C16orf74: variants seen among roughly 807,000 people sequenced by gnomAD.
The protein encoded by C16orf74 is uncharacterized protein C16orf74.
Under a neutral mutation model 6.5 loss-of-function variants are expected in C16orf74, and 10 were observed. That is an observed-to-expected ratio of 1.54 (90% CI 0.95 to 2.61). C16orf74 has a LOEUF of 2.61. Among genes scored for constraint, C16orf74 ranks in the 30% most tolerant of loss-of-function variants. The probability of loss-of-function intolerance (pLI) is 0.00; values close to 1 mark genes in which losing one functional copy is unlikely to be tolerated. For synonymous variants in C16orf74, 60 were observed against 42.5 expected (o/e 1.41, Z -1.60); for missense variants, 141 against 105.9 (o/e 1.33, Z -1.45).
intron 2 of C16orf74, among the ~76,000 whole-genome samples, chr16:85,720,289 G>C (rs2054069654): frequency 1.3e-5 from 2 of 152,170 alleles, no homozygotes; most frequent in African/African-American, 4.8e-5. Context: ...CCAAGGTGGG[G>C]GAAGGTGCCC....
chr16:85,730,154 C>T (rs763606233), intron 2 of C16orf74, among the ~76,000 whole-genome samples: 2 of 152,090 alleles, frequency 1.3e-5, no homozygotes, highest in Admixed American at 6.6e-5. Context: ...CTGGTCAGAG[C>T]GGGTGAGATG....
intron 2 of C16orf74, among the ~76,000 whole-genome samples, chr16:85,721,717 G>A (rs1486454914): frequency 1.3e-5 from 2 of 152,180 alleles, no homozygotes; most frequent in African/African-American, 4.8e-5. Context: ...AACAATAACT[G>A]GGCATTTCAG....
At position 85,707,838 on chromosome 16, in the gene C16orf74, G is replaced by A; in HGVS notation, c.*170C>T. On this transcript the variant is annotated 3_prime_UTR_variant, in exon 4 of 4. Coordinates refer to ENST00000284245, the MANE Select transcript of C16orf74 (RefSeq NM_206967.3). ...CCTGGGAAACACTGTTCTGGAAGTG[G>A]ACAGGCTGGATTCCTCGCTGGTCCT... 1 of 616,168 alleles carries A rather than the reference G, an allele frequency of 1.6e-6. No individual in the cohort carries two copies. The highest frequency in any genetic ancestry group is 2.9e-6 in the Non-Finnish European group (1 of 348,088). 38.2% of individuals were successfully genotyped at this position (616,168 alleles called of 1,614,324 possible). A position where few individuals can be genotyped will look rare whatever the true frequency, so the allele number is the denominator to read the frequency against.
intron 2 of C16orf74, among the ~76,000 whole-genome samples, chr16:85,724,248 G>A (rs1281584481): frequency 6.6e-6 from 1 of 152,140 alleles, no homozygotes; most frequent in Admixed American, 6.5e-5. Flanking sequence ...CGGTGGGACC[G>A]TGAGTCCCAG....
chr16:85,724,720 G>C (rs528978483), intron 2 of C16orf74, among the ~76,000 whole-genome samples: 11 of 152,304 alleles, frequency 7.2e-5, no homozygotes, highest in Admixed American at 2.0e-4. Flanking sequence ...GCCGGCGGGA[G>C]GGTCAGTCCG....
At chr16:85,749,131 GC>G (rs906360747) in intron 1 of C16orf74, among the ~76,000 whole-genome samples, 2 of 151,630 alleles carry the variant, frequency 1.3e-5, no homozygotes, top group African/African-American at 4.8e-5. Context: ...TACTTAGCAG[GC>G]CCAGAGGCCT....
intron 3 of C16orf74, among the ~76,000 whole-genome samples, chr16:85,709,867 T>A (rs1271315460): frequency 1.3e-5 from 2 of 152,124 alleles, no homozygotes; most frequent in Non-Finnish European, 2.9e-5. Context: ...ATCCATCAAT[T>A]ACCTTGGCTG....
chr16:85,730,487 T>C (rs2054176350), intron 2 of C16orf74, among the ~76,000 whole-genome samples: 1 of 144,236 alleles, frequency 6.9e-6, no homozygotes, highest in African/African-American at 2.6e-5. Context: ...GCAAACTAAA[T>C]CCCCCAGACC....
chr16:85,726,813 G>A (rs1353540329), intron 2 of C16orf74, among the ~76,000 whole-genome samples: 2 of 152,084 alleles, frequency 1.3e-5, no homozygotes, highest in Non-Finnish European at 2.9e-5. Flanking sequence ...CATCCTCTCC[G>A]GCGTTGTGGC....
chr16:85,715,649 G>C (rs577539361), intron 2 of C16orf74, among the ~76,000 whole-genome samples: 17 of 152,322 alleles, frequency 1.1e-4, no homozygotes, highest in Middle Eastern at 6.8e-3. Context: ...GAACGAGCAT[G>C]ACTCTGTCTC....
At chr16:85,719,790 G>A (rs575049114) in intron 2 of C16orf74, among the ~76,000 whole-genome samples, 1 of 150,972 alleles carries the variant, frequency 6.6e-6, no homozygotes, top group East Asian at 1.9e-4. Context: ...GAACAGAGGG[G>A]CCACAGGCCA....
intron 2 of C16orf74, among the ~76,000 whole-genome samples, chr16:85,721,950 G>C (rs1323265815): frequency 6.9e-6 from 1 of 144,720 alleles, no homozygotes; most frequent in Non-Finnish European, 1.5e-5. Flanking sequence ...CACACAGTTA[G>C]CCTTCTCATT....
chr16:85,720,846 G>A (rs2054075252), intron 2 of C16orf74, among the ~76,000 whole-genome samples: 1 of 151,448 alleles, frequency 6.6e-6, no homozygotes, highest in Non-Finnish European at 1.5e-5. Context: ...CCAGCACTTT[G>A]GGAGGCCGAG....
In C16orf74 at chr16:85,751,060, G is replaced by A. The variant is rs996982048; in HGVS notation, c.-153C>T. 9 of 148,610 alleles carry A rather than the reference G, an allele frequency of 6.1e-5. No individual in the cohort carries two copies. Among genetic ancestry groups the A allele is most frequent in the African/African-American group, 1.9e-4 (8 of 41,058 alleles). 9.2% of individuals were successfully genotyped at this position (148,610 alleles called of 1,614,324 possible). A position where few individuals can be genotyped will look rare whatever the true frequency, so the allele number is the denominator to read the frequency against. On this transcript the variant is annotated 5_prime_UTR_variant, in exon 1 of 4. Transcript: ENST00000284245. ...GAGCCTGCAAGACAGAGCAGCGGGG[G>A]TCATGGCCCGGCCGGCGCTCGGGCA...
In C16orf74 at chr16:85,710,513, A is replaced by G. The variant is rs927728564; in HGVS notation, c.29-206T>C. Reference sequence around the variant, plus strand: ...AGGAGCCCTTGTCACATCTCACAGAACCATGAGTCGGGAAACAGATTTTGG... The same window carrying G: ...AGGAGCCCTTGTCACATCTCACAGAGCCATGAGTCGGGAAACAGATTTTGG... On this transcript the variant is annotated intron_variant, in intron 2 of 3. Coordinates refer to ENST00000284245, the MANE Select transcript of C16orf74 (RefSeq NM_206967.3). 33 of 513,620 alleles carry G rather than the reference A, an allele frequency of 6.4e-5. No individual in the cohort carries two copies. The African/African-American group carries it at 6.7e-4, about 10-fold the overall frequency. The allele number at this position is 513,620 out of a possible 1,614,324, so 31.8% of individuals were successfully genotyped here.
At chr16:85,711,597 T>C (rs961235026) in intron 2 of C16orf74, among the ~76,000 whole-genome samples, 1 of 136,278 alleles carries the variant, frequency 7.3e-6, no homozygotes, top group African/African-American at 2.9e-5. Flanking sequence ...CACTCCAGCC[T>C]GGGCAACAAG....
chr16:85,745,511 C>A (rs912254076), intron 1 of C16orf74, among the ~76,000 whole-genome samples: 2 of 152,228 alleles, frequency 1.3e-5, no homozygotes, highest in African/African-American at 2.4e-5. Context: ...TCAAAAGCAA[C>A]CAAGACATAG....
chr16:85,732,733 C>T (rs990161955), intron 2 of C16orf74, among the ~76,000 whole-genome samples: 3 of 150,662 alleles, frequency 2.0e-5, no homozygotes, highest in Admixed American at 6.6e-5. Flanking sequence ...CACCCCCATG[C>T]TTGTGTGGGC....
intron 2 of C16orf74, among the ~76,000 whole-genome samples, chr16:85,732,698 GC>G (rs2054203126): frequency 7.3e-6 from 1 of 137,548 alleles, no homozygotes; most frequent in African/African-American, 2.6e-5. Context: ...AAGAGTTCTG[GC>G]CCCCTAATCC....
Sources: gnomAD v4.1 joint callset for allele counts (sites outside exome capture counted in the v4.1 genomes callset) on GRCh38, gnomAD v4.1.1 for gene constraint, MANE v1.5 for transcripts, NCBI Gene and HGNC (gene_info 2026-07-23, HGNC 2026-07-21) for gene names.